Variants in FAH observed in about 807,000 individuals in gnomAD.
FAH encodes the protein fumarylacetoacetase.
A neutral mutation model predicts 55.8 loss-of-function variants in FAH; 47 were observed. The observed-to-expected ratio is 0.84, with a 90% CI of 0.67 to 1.07. The LOEUF (loss-of-function observed/expected upper bound fraction) is 1.07. Ranked by LOEUF, FAH falls within the 50% of genes least tolerant of loss-of-function variation. FAH has a pLI of 0.00. For missense variants in FAH, 495 were observed against 545.9 expected, an observed-to-expected ratio of 0.91 and a Z score of 0.93; for synonymous variants, 199 against 207.7, an observed-to-expected ratio of 0.96 and a Z score of 0.36.
At chr15:80,180,103 C>G (rs888813070) in intron 11 of FAH, 21 bp from the exon 12 acceptor site, 4 of 1,591,384 alleles carry the variant, frequency 2.5e-6, no homozygotes, top group Non-Finnish European at 3.4e-6. Context: ...GCTCATTCCA[C>G]CTCGCGTCCA....
intron 12 of FAH, 104 bp downstream of exon 12, chr15:80,180,329 A>T (rs1353868922): frequency 2.3e-6 from 2 of 863,218 alleles, no homozygotes; most frequent in Non-Finnish European, 3.8e-6. Flanking sequence ...TTCAGGCCCG[A>T]GGTGGGTGTA....
chr15:80,167,530 C>CTTT (rs11315019), intron 5 of FAH, among the ~76,000 whole-genome samples: 5 of 110,774 alleles, frequency 4.5e-5, no homozygotes, highest in African/African-American at 1.3e-4. Context: ...ATGGCTGTAT[C>CTTT]TTTTTTTTTT....
chr15:80,177,470 C>T (rs959621154), intron 10 of FAH, 67 bp from the exon 11 acceptor site: 2 of 1,390,420 alleles, frequency 1.4e-6, no homozygotes, highest in African/African-American at 2.8e-5. Context: ...CAGAACAATT[C>T]TTTTTTTATT....
chr15:80,186,103 A>C, intron 13 of FAH, 27 bp from the exon 14 acceptor site: 2 of 1,606,398 alleles, frequency 1.2e-6, no homozygotes, highest in Non-Finnish European at 1.7e-6. Context: ...CAACTTTGTG[A>C]CTGATCCTTG....
chr15:80,168,876 A>G (rs894523754), intron 7 of FAH, among the ~76,000 whole-genome samples: 2 of 152,214 alleles, frequency 1.3e-5, no homozygotes, highest in African/African-American at 4.8e-5. Flanking sequence ...GGCAAGTTAC[A>G]GTGCTGCTGC....
chr15:80,153,172 GGAGTGGAGTGGAGTGGAGTGGAGT>G (rs2041067516), intron 1 of FAH, 37 bp downstream of exon 1: 2 of 471,294 alleles, frequency 4.2e-6, no homozygotes, highest in South Asian at 2.1e-5. Context: ...GCGCGGGGAG[GGAGTGGAGTGGAGTGGAGTGGAGT>G]GGAGTGGAGT....
chr15:80,176,292 A>G (rs1247349853), intron 10 of FAH, among the ~76,000 whole-genome samples: 1 of 152,206 alleles, frequency 6.6e-6, no homozygotes, highest in Non-Finnish European at 1.5e-5. Flanking sequence ...CTGGGATTAC[A>G]GGCGTGAGCC....
At chr15:80,165,971 G>T (rs2041188451) in intron 5 of FAH, 1 of 151,886 alleles carries the variant, frequency 6.6e-6, no homozygotes, top group Non-Finnish European at 1.5e-5. Flanking sequence ...AAAATTAAAA[G>T]CAACAAAAAC....
intron 7 of FAH, among the ~76,000 whole-genome samples, chr15:80,168,693 C>G (rs2041216607): frequency 6.6e-6 from 1 of 152,160 alleles, no homozygotes; most frequent in South Asian, 2.1e-4. Context: ...AACATGTGTC[C>G]TTTGTAGTCT....
intron 1 of FAH, among the ~76,000 whole-genome samples, chr15:80,154,572 C>G (rs1034352234): frequency 1.3e-5 from 2 of 152,252 alleles, no homozygotes; most frequent in Non-Finnish European, 2.9e-5. Context: ...GCTTTCTCTG[C>G]AGGCATTGGA....
At chr15:80,154,421 C>G (rs2041080791) in intron 1 of FAH, among the ~76,000 whole-genome samples, 1 of 152,216 alleles carries the variant, frequency 6.6e-6, no homozygotes, top group African/African-American at 2.4e-5. Context: ...GACACCATGT[C>G]CCGCTGTTTC....
chr15:80,158,288 G>T, intron 2 of FAH, 118 bp downstream of exon 2: 1 of 817,134 alleles, frequency 1.2e-6, no homozygotes, highest in Non-Finnish European at 2.1e-6. Context: ...AGGTCTCAGA[G>T]GTTATACTTG....
At chr15:80,155,546 T>C (rs1202784228) in intron 1 of FAH, among the ~76,000 whole-genome samples, 1 of 152,102 alleles carries the variant, frequency 6.6e-6, no homozygotes, top group Non-Finnish European at 1.5e-5. Context: ...CCTACGGGGC[T>C]TAGCGGGTTT....
At chr15:80,161,995 A>G (rs538263903) in intron 4 of FAH, among the ~76,000 whole-genome samples, 1 of 152,374 alleles carries the variant, frequency 6.6e-6, no homozygotes, top group South Asian at 2.1e-4. Flanking sequence ...CTTGGTGTTC[A>G]CATTCCACTG....
intron 11 of FAH, 131 bp from the exon 12 acceptor site, chr15:80,179,993 G>C: frequency 4.2e-6 from 3 of 716,554 alleles, no homozygotes; most frequent in Non-Finnish European, 2.5e-6. Flanking sequence ...GAGAGAGCTG[G>C]CTGGGGGAGC....
At chr15:80,186,354 C>T, downstream of FAH, 2 of 719,450 alleles carry the variant, frequency 2.8e-6, no homozygotes, top group Non-Finnish European at 5.1e-6. Context: ...GCCGCAGATG[C>T]AGCTGTGTCC....
At chr15:80,163,991 T>G (rs2041171088) in intron 5 of FAH, among the ~76,000 whole-genome samples, 1 of 152,212 alleles carries the variant, frequency 6.6e-6, no homozygotes, top group South Asian at 2.1e-4. Context: ...AGGTAAACTA[T>G]AGGCAATTAG....
intron 7 of FAH, among the ~76,000 whole-genome samples, chr15:80,170,478 C>T (rs569196215): frequency 5.9e-5 from 9 of 152,322 alleles, no homozygotes; most frequent in South Asian, 4.1e-4. Flanking sequence ...TGGGCACTGC[C>T]GAATAGCCCG....
chr15:80,178,868 A>G lies in FAH; in HGVS notation c.961-1256A>G, dbSNP rs548659409. Among the ~76,000 whole-genome samples the G allele has an allele frequency of 2.6e-4, 39 of 152,276 alleles. 1 individual carries two copies. Among genetic ancestry groups the G allele is most frequent in the Admixed American group, 8.5e-4 (13 of 15,298 alleles). ...CTCCCAAAGTGCTGGGATTACAGGC[A>G]TGAGCCACTGCGCCCGGCCAACTGA... On this transcript the variant is annotated intron_variant, in intron 11 of 13. Transcript: ENST00000561421.
Sources: allele counts gnomAD v4.1 joint callset (sites outside exome capture counted in the v4.1 genomes callset), GRCh38; gene constraint gnomAD v4.1.1; transcripts MANE v1.5; gene names NCBI Gene and HGNC (gene_info 2026-07-23, HGNC 2026-07-21).